KCND2: variants seen among roughly 807,000 people sequenced by gnomAD.
KCND2 encodes potassium voltage-gated channel subfamily D member 2.
A neutral mutation model predicts 54.4 loss-of-function variants in KCND2; 16 were observed. The ratio of observed to expected loss-of-function variants is 0.29; its 90% CI spans 0.20 to 0.45. The LOEUF (loss-of-function observed/expected upper bound fraction) is 0.45. Ranked by LOEUF, KCND2 falls within the 20% of genes least tolerant of loss-of-function variation. KCND2 has a pLI of 1.00. For missense variants in KCND2, 486 were observed against 824.2 expected (o/e 0.59, Z 5.02); for synonymous variants, 317 against 310.7 (o/e 1.02, Z -0.21).
chr7:120,548,443 T>C (rs894517242), intron 1 of KCND2, among the ~76,000 whole-genome samples: 2 of 152,104 alleles, frequency 1.3e-5, no homozygotes, highest in South Asian at 2.1e-4. Flanking sequence ...CAGAATGAGT[T>C]AGAAAAATCT....
At chr7:120,689,917 CACTT>C in intron 1 of KCND2, among the ~76,000 whole-genome samples, 1 of 152,300 alleles carries the variant, frequency 6.6e-6, no homozygotes, top group African/African-American at 2.4e-5. Flanking sequence ...GGAGTTGAAA[CACTT>C]ACAGAGTATT....
intron 1 of KCND2, among the ~76,000 whole-genome samples, chr7:120,543,118 T>C (rs561411886): frequency 1.1e-4 from 16 of 152,244 alleles, no homozygotes; most frequent in Admixed American, 6.6e-4. Flanking sequence ...GTGGAATTTC[T>C]TTAAAAATCC....
intron 1 of KCND2, among the ~76,000 whole-genome samples, chr7:120,480,139 T>C (rs1391940522): frequency 6.6e-6 from 1 of 151,998 alleles, no homozygotes; most frequent in East Asian, 1.9e-4. Flanking sequence ...ATGGTGAAAA[T>C]ATAAAAAATT....
chr7:120,598,803 A>C (rs920435028), intron 1 of KCND2, among the ~76,000 whole-genome samples: 2 of 152,192 alleles, frequency 1.3e-5, no homozygotes, highest in South Asian at 4.1e-4. Flanking sequence ...TTTAAAGATA[A>C]ATGTTTTAAT....
At chr7:120,424,949 C>G (rs977202278) in intron 1 of KCND2, among the ~76,000 whole-genome samples, 3 of 152,022 alleles carry the variant, frequency 2.0e-5, no homozygotes, top group African/African-American at 7.2e-5. Context: ...TAATATCTGC[C>G]TCTACCATAG....
chr7:120,492,538 C>T (rs1285655698), intron 1 of KCND2, among the ~76,000 whole-genome samples: 1 of 151,980 alleles, frequency 6.6e-6, no homozygotes, highest in Non-Finnish European at 1.5e-5. Flanking sequence ...GATCAAGACA[C>T]CAGTATATTC....
intron 1 of KCND2, among the ~76,000 whole-genome samples, chr7:120,595,183 G>T (rs117936526): frequency 6.6e-6 from 1 of 151,848 alleles, no homozygotes; most frequent in Non-Finnish European, 1.5e-5. Flanking sequence ...GGGTGTGGTG[G>T]CTCATGCTTG....
At chr7:120,364,196 A>G (rs111969190) in intron 1 of KCND2, among the ~76,000 whole-genome samples, 111 of 152,298 alleles carry the variant, frequency 7.3e-4, no homozygotes, top group African/African-American at 2.5e-3. Flanking sequence ...TATCTGGTTT[A>G]TGAATTTAAC....
intron 1 of KCND2, among the ~76,000 whole-genome samples, chr7:120,644,854 T>C (rs981349183): frequency 1.3e-5 from 2 of 152,246 alleles, no homozygotes; most frequent in African/African-American, 2.4e-5. Flanking sequence ...ATAACTTTTA[T>C]TGATAATCTT....
At chr7:120,594,316 T>G (rs565919059) in intron 1 of KCND2, among the ~76,000 whole-genome samples, 100 of 152,328 alleles carry the variant, frequency 6.6e-4, no homozygotes, top group Non-Finnish European at 1.3e-3. Flanking sequence ...TCTGTAGCAT[T>G]TCAGGTTGCT....
intron 1 of KCND2, among the ~76,000 whole-genome samples, chr7:120,622,430 T>C (rs1039501752): frequency 6.6e-6 from 1 of 152,044 alleles, no homozygotes; most frequent in Non-Finnish European, 1.5e-5. Flanking sequence ...TATCCAAAGA[T>C]TTTTTGCCTA....
At chr7:120,733,188 G>T (rs954238857) in intron 2 of KCND2, 123 bp downstream of exon 2, 1 of 909,396 alleles carries the variant, frequency 1.1e-6, no homozygotes, top group African/African-American at 1.7e-5. Flanking sequence ...TCAGGACCGA[G>T]TAGGTTATTC....
chr7:120,582,368 A>G (rs1182755498), intron 1 of KCND2, among the ~76,000 whole-genome samples: 1 of 151,862 alleles, frequency 6.6e-6, no homozygotes, highest in Admixed American at 6.6e-5. Context: ...TGACCATTAT[A>G]TATACTCTCC....
chr7:120,491,704 CTG>C (rs1802782822), intron 1 of KCND2, among the ~76,000 whole-genome samples: 1 of 151,876 alleles, frequency 6.6e-6, no homozygotes, highest in Non-Finnish European at 1.5e-5. Context: ...ATTCTGAAAA[CTG>C]TCCAATTTCT....
chr7:120,688,218 C>G (rs555222205), intron 1 of KCND2, among the ~76,000 whole-genome samples: 2 of 152,228 alleles, frequency 1.3e-5, no homozygotes, highest in South Asian at 4.1e-4. Context: ...TACTAAGGGT[C>G]TACAAACTTT....
intron 1 of KCND2, among the ~76,000 whole-genome samples, chr7:120,345,674 T>G (rs1407581532): frequency 6.6e-6 from 1 of 152,214 alleles, no homozygotes; most frequent in Non-Finnish European, 1.5e-5. Context: ...ATTCTTGTTG[T>G]AGCATGTGTC....
chr7:120,389,692 A>C (rs1801044164), intron 1 of KCND2, among the ~76,000 whole-genome samples: 1 of 151,878 alleles, frequency 6.6e-6, no homozygotes, highest in African/African-American at 2.4e-5. Context: ...TTGATATTAC[A>C]GTATTGTTAT....
chr7:120,506,445 G>A (rs969113066), intron 1 of KCND2, among the ~76,000 whole-genome samples: 1 of 151,770 alleles, frequency 6.6e-6, no homozygotes, highest in Non-Finnish European at 1.5e-5. Flanking sequence ...ATGGTTTTGT[G>A]CATTTTTACT....
chr7:120,572,525 T>C (rs1792378771), intron 1 of KCND2, among the ~76,000 whole-genome samples: 2 of 152,090 alleles, frequency 1.3e-5, no homozygotes, highest in Admixed American at 6.6e-5. Flanking sequence ...GAACATAATA[T>C]ATATATATAT....
Sources: gnomAD v4.1 joint callset for allele counts (sites outside exome capture counted in the v4.1 genomes callset) on GRCh38, gnomAD v4.1.1 for gene constraint, MANE v1.5 for transcripts, NCBI Gene and HGNC (gene_info 2026-07-23, HGNC 2026-07-21) for gene names.